Variants in LRRC7 observed in about 807,000 individuals in gnomAD.
LRRC7 encodes the protein leucine rich repeat containing 7, also known as leucine-rich repeat-containing protein 7.
In LRRC7, 23 loss-of-function variants were observed where a neutral mutation model predicts 175.7. The ratio of observed to expected loss-of-function variants is 0.13; its 90% CI spans 0.09 to 0.19. The LOEUF (loss-of-function observed/expected upper bound fraction) is 0.19. LRRC7 is among the 10% of genes least tolerant of loss of function. The pLI is 1.00. For synonymous variants in LRRC7, 685 were observed against 680.9 expected, an observed-to-expected ratio of 1.01 and a Z score of -0.09; for missense variants, 1,354 against 1,904.7, an observed-to-expected ratio of 0.71 and a Z score of 5.38.
chr1:70,140,775 T>G lies in LRRC7; in HGVS notation c.*18888T>G, dbSNP rs546467775. ...CAGTATCTCTTTACTGATACAAGTA[T>G]TCAAAGGCCCTCCTATCCAATCACA... On this transcript the variant is annotated 3_prime_UTR_variant, in exon 27 of 27. Transcript: ENST00000651989. 6.6e-6 allele frequency among the ~76,000 whole-genome samples: 1 copy of G among 152,268 alleles called. No individual in the cohort carries two copies. Among genetic ancestry groups the G allele is most frequent in the South Asian group, 2.1e-4 (1 of 4,828 alleles).
chr1:70,089,529 G>A (rs1663866835), intron 24 of LRRC7, among the ~76,000 whole-genome samples, 198 bp from the exon 25 acceptor site: 2 of 152,196 alleles, frequency 1.3e-5, no homozygotes, highest in South Asian at 2.1e-4. Flanking sequence ...AATTTCAAGC[G>A]AGTTTCCATC....
chr1:69,937,842 C>A (rs932021101), intron 8 of LRRC7, among the ~76,000 whole-genome samples: 1 of 151,814 alleles, frequency 6.6e-6, no homozygotes, highest in Non-Finnish European at 1.5e-5. Flanking sequence ...TAAAATATTT[C>A]TTTCATATCC....
At chr1:69,823,148 T>C (rs1679495346) in intron 4 of LRRC7, among the ~76,000 whole-genome samples, 1 of 152,342 alleles carries the variant, frequency 6.6e-6, no homozygotes, top group East Asian at 1.9e-4. Flanking sequence ...ATTCCTTGAA[T>C]GAGTGAGCTT....
intron 7 of LRRC7, among the ~76,000 whole-genome samples, chr1:69,853,521 C>T (rs1208468797): frequency 2.0e-5 from 3 of 152,064 alleles, no homozygotes; most frequent in Non-Finnish European, 4.4e-5. Context: ...TTGTGATCCG[C>T]CCACCTTGGC....
At chr1:69,977,529 T>C (rs779184341) in intron 8 of LRRC7, among the ~76,000 whole-genome samples, 5 of 152,234 alleles carry the variant, frequency 3.3e-5, no homozygotes, top group Non-Finnish European at 5.9e-5. Context: ...CTCATTCTTT[T>C]TTTCATACAC....
At chr1:70,109,743 G>A (rs1665394348) in intron 26 of LRRC7, among the ~76,000 whole-genome samples, 2 of 152,140 alleles carry the variant, frequency 1.3e-5, no homozygotes, top group African/African-American at 2.4e-5. Flanking sequence ...ATGAATTGTA[G>A]TGAAAAACAG....
chr1:69,758,641 G>C (rs553432108), intron 2 of LRRC7, among the ~76,000 whole-genome samples: 5 of 151,822 alleles, frequency 3.3e-5, no homozygotes, highest in Admixed American at 2.0e-4. Flanking sequence ...GTAGTTTTTT[G>C]AATCCTCACC....
At position 70,131,363 on chromosome 1, in the gene LRRC7, A is replaced by G. The variant is rs1435940407; in HGVS notation, c.*9476A>G. On this transcript the variant is annotated 3_prime_UTR_variant, in exon 27 of 27. Transcript: ENST00000651989. Reference sequence around the variant, plus strand: ...CCCAGGTTGGTAAGCTCCTAACCACAATCCCTTTATTACCTCATGGGACCT... The same window carrying G: ...CCCAGGTTGGTAAGCTCCTAACCACGATCCCTTTATTACCTCATGGGACCT... Among the ~76,000 whole-genome samples the G allele has an allele frequency of 2.0e-5, 3 of 152,248 alleles. No homozygotes were observed. Among genetic ancestry groups the G allele is most frequent in the Non-Finnish European group, 4.4e-5 (3 of 68,048 alleles).
At chr1:69,859,431 C>T (rs1040553478) in intron 7 of LRRC7, among the ~76,000 whole-genome samples, 1 of 151,996 alleles carries the variant, frequency 6.6e-6, no homozygotes, top group Non-Finnish European at 1.5e-5. Context: ...GGTATCAAAG[C>T]TTTATTACAT....
intron 3 of LRRC7, among the ~76,000 whole-genome samples, chr1:69,767,418 C>T (rs778517146): frequency 6.6e-6 from 1 of 152,036 alleles, no homozygotes; most frequent in African/African-American, 2.4e-5. Context: ...CTCCAATACC[C>T]AAATTCCTCC....
At chr1:69,935,501 G>T (rs1007864357) in intron 8 of LRRC7, among the ~76,000 whole-genome samples, 4 of 152,038 alleles carry the variant, frequency 2.6e-5, no homozygotes, top group African/African-American at 9.7e-5. Flanking sequence ...TTTCTTTGTA[G>T]CTAAACTAGA....
chr1:70,006,483 A>G (rs925584474), intron 11 of LRRC7, among the ~76,000 whole-genome samples: 8 of 152,118 alleles, frequency 5.3e-5, no homozygotes, highest in African/African-American at 1.2e-4. Context: ...AAAAAAAAAA[A>G]AAAGAAAGAA....
At chr1:69,664,914 T>G (rs1164014480) in intron 1 of LRRC7, among the ~76,000 whole-genome samples, 2 of 152,230 alleles carry the variant, frequency 1.3e-5, no homozygotes, top group African/African-American at 4.8e-5. Context: ...CAATGTTTAC[T>G]TTTAGCAGTT....
intron 7 of LRRC7, among the ~76,000 whole-genome samples, chr1:69,909,162 T>C (rs1165322536): frequency 6.6e-6 from 1 of 152,166 alleles, no homozygotes; most frequent in Non-Finnish European, 1.5e-5. Context: ...CCTATGTGTG[T>C]CTCTGCACGT....
chr1:69,844,159 T>G (rs1469644506), intron 7 of LRRC7, among the ~76,000 whole-genome samples: 1 of 152,182 alleles, frequency 6.6e-6, no homozygotes, highest in Non-Finnish European at 1.5e-5. Context: ...CTTTATTTTT[T>G]ATTGTGTTCT....
chr1:69,969,634 C>G (rs1052089197), intron 8 of LRRC7, among the ~76,000 whole-genome samples: 3 of 152,026 alleles, frequency 2.0e-5, no homozygotes, highest in Non-Finnish European at 4.4e-5. Context: ...TATAAAACAA[C>G]TACTACTAGA....
rs1177458501 is a variant in LRRC7, at chr1:70,027,668, G to A, written c.1795-503G>A. Among the ~76,000 whole-genome samples the A allele has an allele frequency of 2.6e-5, 4 of 152,092 alleles. No individual in the cohort carries two copies. In the East Asian group the frequency reaches 7.7e-4, roughly 29 times the overall value. ...ACACACTAACTAACAGAAGGCTAAT[G>A]CCTATTTAGGCAGCAGATATTGTCA... On this transcript the variant is annotated intron_variant, in intron 17 of 26. Coordinates refer to ENST00000651989, the MANE Select transcript of LRRC7 (RefSeq NM_001370785.2).
At position 70,096,309 on chromosome 1, in the gene LRRC7, A is replaced by G. The variant is rs1464912924; in HGVS notation, c.4545+6490A>G. On this transcript the variant is annotated intron_variant, in intron 25 of 26. Transcript: ENST00000651989. ...TATTTAATTATTCATTAGCTTTACA[A>G]TATAAATAGTATAGTTTTACATAGT... Among the ~76,000 whole-genome samples, 3 of 152,308 alleles carry G rather than the reference A, an allele frequency of 2.0e-5. No homozygotes were observed. In the East Asian group the frequency reaches 5.8e-4, roughly 29 times the overall value.
intron 6 of LRRC7, 96 bp downstream of exon 6, chr1:69,834,965 A>G: frequency 1.1e-6 from 1 of 908,156 alleles, no homozygotes. Context: ...GTCAGTTGTG[A>G]TTAAAGATAG....
Sources: allele counts gnomAD v4.1 joint callset (sites outside exome capture counted in the v4.1 genomes callset), GRCh38; gene constraint gnomAD v4.1.1; transcripts MANE v1.5; gene names NCBI Gene and HGNC (gene_info 2026-07-23, HGNC 2026-07-21).